Variants in ATP5F1B observed in about 807,000 individuals in gnomAD.
ATP5F1B encodes ATP synthase F(1) complex subunit beta, mitochondrial.
In ATP5F1B, 17 loss-of-function variants were observed where a neutral mutation model predicts 45.9. The observed-to-expected ratio is 0.37, with a 90% CI of 0.25 to 0.56. The LOEUF (loss-of-function observed/expected upper bound fraction) is 0.56, where lower values mean the gene tolerates loss of function less well. ATP5F1B is among the 20% of genes least tolerant of loss of function. The pLI, the probability that ATP5F1B is intolerant of heterozygous loss-of-function variation, is 0.80. For synonymous variants in ATP5F1B, 218 were observed against 256.5 expected (o/e 0.85, Z 1.43); for missense variants, 387 against 673.2 (o/e 0.57, Z 4.70).
rs1276159884 is a variant in ATP5F1B at position 56,642,783 on chromosome 12, G to C, written c.841C>G (p.Arg281Gly). 1 of 1,614,038 alleles carries C rather than the reference G, an allele frequency of 6.2e-7. No homozygotes were observed. Among genetic ancestry groups the C allele is most frequent in the Non-Finnish European group, 8.5e-7 (1 of 1,180,012 alleles). ...QMNEPPGARA[R>G]VALTGLTVAE... is the part of the protein sequence containing the mutation. ...ACAGTCAGCCCAGTCAGAGCTACCC[G>C]GGCACGAGCACCAGGTGGTTCATTC... is the stretch of plus-strand genomic sequence containing the variant. Residue 281 changes from arginine to glycine, a missense_variant, in exon 6 of 10, where the codon CGG (arginine) becomes GGG (glycine). Arg to Gly is a moderately radical substitution (Grantham distance 125). Transcript: ENST00000262030.
intron 3 of ATP5F1B, 122 bp from the exon 4 acceptor site, chr12:56,644,080 T>C: frequency 9.1e-7 from 1 of 1,101,440 alleles, no homozygotes; most frequent in Non-Finnish European, 1.3e-6. Context: ...CAGTCTTACC[T>C]CCCCTTTCTT....
At position 56,643,464 on chromosome 12, in the gene ATP5F1B, T is replaced by C. The variant is rs769531067; in HGVS notation, c.731A>G (p.Asn244Ser). 3.7e-6 allele frequency: 6 copies of C among 1,614,158 alleles called. No homozygotes were observed. Among genetic ancestry groups the C allele is most frequent in the Non-Finnish European group, 4.2e-6 (5 of 1,180,020 alleles). The change falls in exon 5 of 10, where the codon AAT (asparagine) becomes AGT (serine). Residue 244 changes from asparagine to serine, a missense_variant. Physicochemically the swap from Asn to Ser is conservative, Grantham distance 46. This residue lies in a region of ATP5F1B where 154 missense variants were observed against 361.4 expected (regional missense o/e 0.43). Coordinates refer to ENST00000262030, the MANE Select transcript of ATP5F1B (RefSeq NM_001686.4). ...TTCAATCATTTCATGGTATAAATCA[T>C]TGCCTTCACGGGTCCTCTCACCAAC... ...AGVGERTREG[N>S]DLYHEMIESG...
chr12:56,639,953 A>G, intron 8 of ATP5F1B, 27 bp downstream of exon 8: 2 of 1,612,122 alleles, frequency 1.2e-6, no homozygotes, highest in Non-Finnish European at 1.7e-6. Context: ...CTTTCCGGAC[A>G]CTGATCCCAC....
At chr12:56,639,720 G>C (rs886125550) in intron 8 of ATP5F1B, among the ~76,000 whole-genome samples, 1 of 150,396 alleles carries the variant, frequency 6.6e-6, no homozygotes, top group African/African-American at 2.5e-5. Flanking sequence ...GCAGTGAGCC[G>C]AGATGGCACC....
chr12:56,638,959 G>A, intron 9 of ATP5F1B, 147 bp downstream of exon 9: 1 of 707,626 alleles, frequency 1.4e-6, no homozygotes, highest in Non-Finnish European at 2.3e-6. Context: ...ATTAAATGTA[G>A]AGTATTTTCA....
intron 7 of ATP5F1B, 56 bp from the exon 8 acceptor site, chr12:56,640,248 T>G (rs1951502152): frequency 2.9e-6 from 4 of 1,366,244 alleles, no homozygotes; most frequent in Non-Finnish European, 4.0e-6. Flanking sequence ...TTTTTTTTTT[T>G]GAGAGGGTCT....
chr12:56,645,111 T>C (rs1392988211), intron 2 of ATP5F1B, 60 bp downstream of exon 2: 5 of 1,610,550 alleles, frequency 3.1e-6, no homozygotes, highest in Non-Finnish European at 4.2e-6. Context: ...GCAGACAGCT[T>C]GGTTTTGGGG....
chr12:56,638,987 A>C (rs780656055), intron 9 of ATP5F1B, 119 bp downstream of exon 9: 20 of 948,792 alleles, frequency 2.1e-5, no homozygotes, highest in Non-Finnish European at 2.5e-5. Context: ...TCAATGGGTA[A>C]GTTTGTTTTT....
chr12:56,639,364 T>C, intron 8 of ATP5F1B, 57 bp from the exon 9 acceptor site: 2 of 1,541,514 alleles, frequency 1.3e-6, no homozygotes, highest in East Asian at 4.5e-5. Flanking sequence ...TTGGACAAGC[T>C]AACAAAGGGA....
chr12:56,643,571 A>G lies in ATP5F1B; in HGVS notation c.624T>C (p.Ala208=), dbSNP rs2137546391. Reference sequence around the variant, plus strand: ...TGATCAGTACAGTCTTGCCAACTCCAGCACCACCAAAAAGCCCTATAAGAG... The same window carrying G: ...TGATCAGTACAGTCTTGCCAACTCCGGCACCACCAAAAAGCCCTATAAGAG... ...KGGKIGLFGG[A]GVGKTVLIME... The change falls in exon 5 of 10, where the codon GCT becomes GCC. Residue 208 remains alanine, a synonymous_variant. Coordinates refer to ENST00000262030, the MANE Select transcript of ATP5F1B (RefSeq NM_001686.4). 1.2e-6 allele frequency: 2 copies of G among 1,614,204 alleles called. No homozygotes were observed. The highest frequency in any genetic ancestry group is 1.7e-6 in the Non-Finnish European group (2 of 1,180,032).
chr12:56,645,388 C>T, intron 1 of ATP5F1B, 35 bp from the exon 2 acceptor site: 1 of 1,594,932 alleles, frequency 6.3e-7, no homozygotes. Context: ...GAGCTGGGGT[C>T]AGGCCAGTTA....
chr12:56,642,276 A>G (rs2137545351), intron 7 of ATP5F1B, among the ~76,000 whole-genome samples, 182 bp downstream of exon 7: 1 of 150,940 alleles, frequency 6.6e-6, no homozygotes, highest in East Asian at 1.9e-4. Flanking sequence ...TATTACAGGC[A>G]TGAACCACCA....
intron 7 of ATP5F1B, 149 bp downstream of exon 7, chr12:56,642,309 A>G: frequency 8.6e-7 from 1 of 1,161,924 alleles, no homozygotes; most frequent in East Asian, 2.7e-5. Flanking sequence ...TCAGTTTTAT[A>G]CATCTCTCTA....
chr12:56,642,765 G>A lies in ATP5F1B; in HGVS notation c.859C>T (p.Leu287=), dbSNP rs1592644951. ...TCTCTGAAGTATTCAGCCACAGTCA[G>A]CCCAGTCAGAGCTACCCGGGCACGA... The part of the protein sequence containing the change: ...GARARVALTG[L]TVAEYFRDQE... The change falls in exon 6 of 10, where the codon CTG becomes TTG. Residue 287 remains leucine, a synonymous_variant. Transcript: ENST00000262030. 1.9e-6 allele frequency: 3 copies of A among 1,614,152 alleles called. No homozygotes were observed. Among genetic ancestry groups the A allele is most frequent in the Non-Finnish European group, 2.5e-6 (3 of 1,180,026 alleles).
chr12:56,638,354 G>A lies in ATP5F1B; in HGVS notation c.1559C>T (p.Ala520Val). The A allele has an allele frequency of 6.2e-7, 1 of 1,613,962 alleles. No homozygotes were observed. Among genetic ancestry groups the A allele is most frequent in the Non-Finnish European group, 8.5e-7 (1 of 1,179,982 alleles). Residue 520 changes from alanine (A) to valine (V), a missense_variant, in exon 10 of 10, where the codon GCT becomes GTT. Coordinates refer to ENST00000262030, the MANE Select transcript of ATP5F1B (RefSeq NM_001686.4). ...TGAATGCTCTTCAGCCAGCTTATCA[G>A]CTTTTGCCACAGCTTCTTCAATGGG... ...VGPIEEAVAK[A>V]DKLAEEHSS
chr12:56,642,476 T>G lies in ATP5F1B; in HGVS notation c.1056A>C (p.Gly352=). The G allele has an allele frequency of 6.2e-7, 1 of 1,614,000 alleles. No homozygotes were observed. Among genetic ancestry groups the G allele is most frequent in the Non-Finnish European group, 8.5e-7 (1 of 1,180,040 alleles). ...TTCTTACCTGTACAGAGGTGATAGA[T>G]CCCTTCTTGGTAGTGGTAATTCTTT... ...MQERITTTKK[G]SITSVQAIYV... The change falls in exon 7 of 10, where the codon GGA becomes GGC. Residue 352 remains glycine, a synonymous_variant. Coordinates refer to ENST00000262030, the MANE Select transcript of ATP5F1B (RefSeq NM_001686.4).
chr12:56,643,822 C>T lies in ATP5F1B; in HGVS notation c.607+15G>A, dbSNP rs1215334591. ...CATATTAGGTTTGGAAAATATGTAC[C>T]CCTTAATAACATACCAATTTTGCCA... is the stretch of plus-strand genomic sequence containing the variant. On this transcript the variant is annotated intron_variant, in intron 4 of 9. Coordinates refer to ENST00000262030, the MANE Select transcript of ATP5F1B (RefSeq NM_001686.4). 6.2e-7 allele frequency: 1 copy of T among 1,613,792 alleles called. No individual in the cohort carries two copies. Among genetic ancestry groups the T allele is most frequent in the Non-Finnish European group, 8.5e-7 (1 of 1,179,964 alleles).
At chr12:56,639,745 TG>T (rs1470876444) in intron 8 of ATP5F1B, among the ~76,000 whole-genome samples, 4 of 148,970 alleles carry the variant, frequency 2.7e-5, no homozygotes, top group Non-Finnish European at 5.9e-5. Flanking sequence ...CACTCCAGCT[TG>T]GGAGACACAG....
chr12:56,641,295 G>A (rs1259230255), intron 7 of ATP5F1B, among the ~76,000 whole-genome samples: 1 of 150,824 alleles, frequency 6.6e-6, no homozygotes, highest in African/African-American at 2.4e-5. Flanking sequence ...AACCCAGGAG[G>A]AGGTTGCAGT....
Sources: gnomAD v4.1 joint callset for allele counts (sites outside exome capture counted in the v4.1 genomes callset) on GRCh38, gnomAD v4.1.1 for gene constraint, gnomAD v4.1.1 regional missense constraint, MANE v1.5 for transcripts, NCBI Gene and HGNC (gene_info 2026-07-23, HGNC 2026-07-21) for gene names.